FREM3: variants seen among roughly 807,000 people sequenced by gnomAD.
The protein encoded by FREM3 is FRAS1-related extracellular matrix protein 3.
A neutral mutation model predicts 129.1 loss-of-function variants in FREM3; 105 were observed. That is an observed-to-expected ratio of 0.81 (90% CI 0.69 to 0.96). FREM3 has a LOEUF of 0.96. Ranked by LOEUF, FREM3 falls within the 40% of genes least tolerant of loss-of-function variation. The pLI is 0.00. For synonymous variants in FREM3, 1,014 were observed against 1,044.9 expected, an observed-to-expected ratio of 0.97 and a Z score of 0.57; for missense variants, 2,593 against 2,666.3, an observed-to-expected ratio of 0.97 and a Z score of 0.61.
rs373130454 is a variant in FREM3 at position 143,695,647 on chromosome 4, C to T, written c.5029G>A (p.Gly1677Arg). ...GAPALKRLHT[G>R]HMGFLITSKS... ...CTGGTAATCAGGAAGCCCATGTGTC[C>T]AGTGTGAAGGCGCTTCAAGGCTGGG... The change falls in exon 1 of 8, where the codon GGA becomes AGA. Residue 1677 changes from glycine (G) to arginine (R), a missense_variant. By Grantham distance (125) the Gly-to-Arg change is moderately radical. Coordinates refer to ENST00000329798, the MANE Select transcript of FREM3 (RefSeq NM_001168235.2). The T allele has an allele frequency of 6.2e-5, 96 of 1,537,060 alleles. No individual in the cohort carries two copies. Among genetic ancestry groups the T allele is most frequent in the Non-Finnish European group, 7.8e-5 (89 of 1,146,920 alleles).
intron 5 of FREM3, among the ~76,000 whole-genome samples, chr4:143,613,550 T>A (rs1393867954): frequency 6.6e-6 from 1 of 152,176 alleles, no homozygotes; most frequent in Non-Finnish European, 1.5e-5. Flanking sequence ...CAAGATGAGA[T>A]GAAACACTGT....
intron 2 of FREM3, among the ~76,000 whole-genome samples, chr4:143,632,517 C>T (rs1256401227): frequency 1.3e-5 from 2 of 152,140 alleles, no homozygotes; most frequent in Non-Finnish European, 1.5e-5. Context: ...CCATTCCCTT[C>T]GGGTGCCCTT....
At chr4:143,610,087 G>A (rs1293682762) in intron 6 of FREM3, among the ~76,000 whole-genome samples, 2 of 152,128 alleles carry the variant, frequency 1.3e-5, no homozygotes, top group Non-Finnish European at 2.9e-5. Flanking sequence ...ACATGACGAA[G>A]AAAGCATGGA....
chr4:143,699,550 A>C lies in FREM3; in HGVS notation c.1126T>G (p.Phe376Val). ...TCCCTCAGCTCCTGCTGGGTGAAGAAGGAGACTGGAAGCCCTAGAGGGTCG... is the reference window on the plus strand; with the variant it reads ...TCCCTCAGCTCCTGCTGGGTGAAGACGGAGACTGGAAGCCCTAGAGGGTCG... ...TDDPLGLPVS[F>V]FTQQELRELK... Residue 376 changes from phenylalanine to valine, a missense_variant, in exon 1 of 8, where the codon TTC becomes GTC. Coordinates refer to ENST00000329798, the MANE Select transcript of FREM3 (RefSeq NM_001168235.2). The surrounding 1 kb of genome is among the most constrained non-coding windows in gnomAD (Gnocchi z 4.2). 1 of 1,537,128 alleles carries C rather than the reference A, an allele frequency of 6.5e-7. No homozygotes were observed. The highest frequency in any genetic ancestry group is 1.2e-5 in the South Asian group (1 of 84,048).
intron 2 of FREM3, among the ~76,000 whole-genome samples, chr4:143,672,268 CCAA>C (rs1412001744): frequency 5.3e-5 from 8 of 152,186 alleles, no homozygotes; most frequent in Admixed American, 5.2e-4. Flanking sequence ...AGCAAGAATG[CCAA>C]CAACTCAGTT....
At chr4:143,691,374 T>C (rs945702801) in intron 2 of FREM3, among the ~76,000 whole-genome samples, 3 of 151,834 alleles carry the variant, frequency 2.0e-5, no homozygotes, top group Admixed American at 6.6e-5. Flanking sequence ...AACTTACTCA[T>C]GTAACCAAAC....
chr4:143,697,870 G>T lies in FREM3; in HGVS notation c.2806C>A (p.Pro936Thr), dbSNP rs1222452202. 1 of 1,537,850 alleles carries T rather than the reference G, an allele frequency of 6.5e-7. No individual in the cohort carries two copies. The highest frequency in any genetic ancestry group is 1.2e-5 in the South Asian group (1 of 84,060). The change falls in exon 1 of 8, where the codon CCC becomes ACC. Residue 936 changes from proline (P) to threonine (T), a missense_variant. Pro to Thr is a conservative substitution (Grantham distance 38, BLOSUM62 -1). This residue lies in a region of FREM3 where 2,276 missense variants were observed against 2,267.2 expected (regional missense o/e 1.00). Transcript: ENST00000329798. ...CTAGGACTTCTGTTAGCCACATTGG[G>T]ATGCACAGAAATTGGGATGGTGATG... ...IPITIPISVH[P>T]NVANRSPRIS...
chr4:143,623,289 T>C (rs1738985704), intron 4 of FREM3, among the ~76,000 whole-genome samples: 2 of 152,158 alleles, frequency 1.3e-5, no homozygotes, highest in Non-Finnish European at 2.9e-5. Context: ...CATGGAAAGC[T>C]TTCCATCCCC....
At chr4:143,667,812 C>A (rs912111630) in intron 2 of FREM3, among the ~76,000 whole-genome samples, 1 of 152,194 alleles carries the variant, frequency 6.6e-6, no homozygotes, top group African/African-American at 2.4e-5. Flanking sequence ...CCTAGCTAGT[C>A]TCAAAGGGAA....
intron 2 of FREM3, 80 bp downstream of exon 2, chr4:143,693,033 G>T: frequency 1.6e-6 from 1 of 644,774 alleles, no homozygotes; most frequent in Non-Finnish European, 2.5e-6. Context: ...TACTTGCCCA[G>T]AAATGATTTA....
At chr4:143,667,235 C>T (rs1739879147) in intron 2 of FREM3, among the ~76,000 whole-genome samples, 1 of 151,896 alleles carries the variant, frequency 6.6e-6, no homozygotes, top group Admixed American at 6.6e-5. Context: ...TCAATTTCAC[C>T]ACTATATTCT....
At chr4:143,693,023 T>A in intron 2 of FREM3, 90 bp downstream of exon 2, 1 of 560,442 alleles carries the variant, frequency 1.8e-6, no homozygotes, top group Admixed American at 3.5e-5. Context: ...ATGATGCCTA[T>A]ACTTGCCCAG....
In FREM3 at chr4:143,698,308, G is replaced by C; in HGVS notation, c.2368C>G (p.Pro790Ala). The C allele has an allele frequency of 6.5e-7, 1 of 1,537,736 alleles. No individual in the cohort carries two copies. The highest frequency in any genetic ancestry group is 8.7e-7 in the Non-Finnish European group (1 of 1,147,034). The change falls in exon 1 of 8, where the codon CCA (proline) becomes GCA (alanine). Residue 790 changes from proline to alanine, a missense_variant. Pro to Ala is a conservative substitution (Grantham distance 27, BLOSUM62 -1). Transcript: ENST00000329798. ...CGTGGTGCAATACCCAATTTCTGTG[G>C]AGGCTGGTAGGCAACTTTATGCTGA... ...VNQHKVAYQP[P>A]QKLGIAPRVV...
chr4:143,699,188 C>T lies in FREM3; in HGVS notation c.1488G>A (p.Ala496=), dbSNP rs140690607. The T allele has an allele frequency of 4.5e-5, 69 of 1,537,346 alleles. No individual in the cohort carries two copies. The highest frequency in any genetic ancestry group is 2.1e-4 in the South Asian group (18 of 84,064). ...ACACCACTCGCCCTGCTGCCAGGTC[C>T]GCTGGTGTGAAATACTTGCACCCAG... is the stretch of plus-strand genomic sequence containing the variant. ...APAGCKYFTP[A]DLAAGRVVYQ... Residue 496 remains alanine, a synonymous_variant, in exon 1 of 8, where the codon GCG becomes GCA. Transcript: ENST00000329798. This position sits in a 1 kb window ranked among gnomAD's most constrained non-coding sequence, Gnocchi z 4.2.
At chr4:143,577,965 CT>C (rs1738069689) in intron 7 of FREM3, 113 bp from the exon 8 acceptor site, 1 of 1,142,252 alleles carries the variant, frequency 8.8e-7, no homozygotes, top group Admixed American at 2.8e-5. Context: ...GTACCCAACA[CT>C]CTCAGGATCA....
At chr4:143,678,344 G>T (rs535989352) in intron 2 of FREM3, among the ~76,000 whole-genome samples, 3 of 151,998 alleles carry the variant, frequency 2.0e-5, no homozygotes, top group East Asian at 3.9e-4. Context: ...TGAACAATGA[G>T]AACACTTGGA....
At chr4:143,663,444 G>A (rs558696321) in intron 2 of FREM3, among the ~76,000 whole-genome samples, 1 of 152,224 alleles carries the variant, frequency 6.6e-6, no homozygotes, top group Admixed American at 6.5e-5. Flanking sequence ...AGTTTCTGCC[G>A]AGAGATCTGC....
At position 143,611,458 on chromosome 4, in the gene FREM3, G is replaced by T. The variant is rs2149839297; in HGVS notation, c.5849C>A (p.Thr1950Asn). 6.5e-7 allele frequency: 1 copy of T among 1,537,198 alleles called. No individual in the cohort carries two copies. Among genetic ancestry groups the T allele is most frequent in the Admixed American group, 2.0e-5 (1 of 50,996 alleles). Reference protein sequence around the residue: ...SDYISRPEDHTSILHFDKNET... With the variant: ...SDYISRPEDHNSILHFDKNET... The stretch of plus-strand genomic sequence containing the variant: ...ATTCTTGTCAAAGTGGAGGATGCTG[G>T]TGTGGTCTTCTGGACGTGAGATGTA... The change falls in exon 6 of 8, where the codon ACC becomes AAC. Residue 1950 changes from threonine to asparagine, a missense_variant. This residue lies in a region of FREM3 where 317 missense variants were observed against 399.0 expected (regional missense o/e 0.79). Transcript: ENST00000329798.
At chr4:143,667,134 G>T (rs924975183) in intron 2 of FREM3, among the ~76,000 whole-genome samples, 1 of 152,068 alleles carries the variant, frequency 6.6e-6, no homozygotes, top group African/African-American at 2.4e-5. Context: ...CACAAGTAAT[G>T]CTAGTAGTAT....
Sources: gnomAD v4.1 joint callset for allele counts (sites outside exome capture counted in the v4.1 genomes callset) on GRCh38, gnomAD v4.1.1 for gene constraint, gnomAD v4.1.1 regional missense constraint, Gnocchi (gnomAD v3.1) non-coding constraint, MANE v1.5 for transcripts, NCBI Gene and HGNC (gene_info 2026-07-23, HGNC 2026-07-21) for gene names.